The following CACNA1D variants were observed in gnomAD, a reference collection of about 807,000 sequenced individuals.
CACNA1D encodes the protein calcium voltage-gated channel subunit alpha1 D, also known as voltage-dependent L-type calcium channel subunit alpha-1D.
CACNA1D carries 55 observed loss-of-function variants against 257.1 expected under a neutral mutation model. That is an observed-to-expected ratio of 0.21 (90% CI 0.17 to 0.27). The LOEUF (loss-of-function observed/expected upper bound fraction) is 0.27. Among genes scored for constraint, CACNA1D ranks in the 10% least tolerant of loss-of-function variants. The probability of loss-of-function intolerance (pLI) is 1.00; values close to 1 mark genes in which losing one functional copy is unlikely to be tolerated. For missense variants in CACNA1D, 1,876 were observed against 2,784.0 expected (o/e 0.67, Z 7.34); for synonymous variants, 980 against 1,014.9 (o/e 0.97, Z 0.65).
At chr3:53,565,726 T>C (rs2092822345) in intron 3 of CACNA1D, among the ~76,000 whole-genome samples, 2 of 152,208 alleles carry the variant, frequency 1.3e-5, no homozygotes, top group Admixed American at 1.3e-4. Flanking sequence ...AACAAGATAA[T>C]GCATCTTCTA....
intron 3 of CACNA1D, among the ~76,000 whole-genome samples, chr3:53,625,415 C>T (rs1378679567): frequency 6.6e-6 from 1 of 152,334 alleles, no homozygotes; most frequent in East Asian, 1.9e-4. Context: ...CAGCAGCCTG[C>T]ATCATGCCTC....
chr3:53,717,164 C>G (rs1373088272), intron 9 of CACNA1D, among the ~76,000 whole-genome samples: 1 of 152,248 alleles, frequency 6.6e-6, no homozygotes, highest in Non-Finnish European at 1.5e-5. Context: ...AGTTCAAAGC[C>G]ATGCCTCAGG....
chr3:53,549,840 TTAA>T (rs1391527345), intron 3 of CACNA1D, among the ~76,000 whole-genome samples: 1 of 152,252 alleles, frequency 6.6e-6, no homozygotes, highest in Non-Finnish European at 1.5e-5. Context: ...AGGTGTTCTC[TTAA>T]TGATGTTCTT....
In CACNA1D at chr3:53,617,806, A is replaced by G. The variant is rs539831052; in HGVS notation, c.484-32973A>G. 3.3e-5 allele frequency among the ~76,000 whole-genome samples: 5 copies of G among 152,322 alleles called. No individual in the cohort carries two copies. The South Asian group carries it at 1.0e-3, about 32-fold the overall frequency. On this transcript the variant is annotated intron_variant, in intron 3 of 47. Coordinates refer to ENST00000350061, the MANE Select transcript of CACNA1D (RefSeq NM_001128840.3). ...CGCAGCTGGGGAGGTAGATATTTAC[A>G]TGTGAGCCTCAAATGTACTGGGGGA...
chr3:53,806,290 C>CT (rs532125111), intron 45 of CACNA1D, among the ~76,000 whole-genome samples: 197 of 151,430 alleles, frequency 1.3e-3, no homozygotes, highest in African/African-American at 4.5e-3. Context: ...CCTGTCAAGT[C>CT]TGTCAGTGCC....
intron 32 of CACNA1D, among the ~76,000 whole-genome samples, chr3:53,772,292 C>T (rs982717151): frequency 3.3e-5 from 5 of 152,174 alleles, no homozygotes; most frequent in Admixed American, 2.6e-4. Flanking sequence ...CAGCCACAGC[C>T]AGAAAGTGGT....
chr3:53,760,919 A>T (rs774255365), intron 29 of CACNA1D, among the ~76,000 whole-genome samples: 14 of 152,192 alleles, frequency 9.2e-5, no homozygotes, highest in Non-Finnish European at 2.1e-4. Context: ...CAGCACAGTC[A>T]TCATCCTTCA....
intron 40 of CACNA1D, among the ~76,000 whole-genome samples, chr3:53,797,050 T>G (rs964626557): frequency 6.6e-6 from 1 of 152,208 alleles, no homozygotes. Flanking sequence ...ATTTTACTGT[T>G]TGTAAAGTGT....
At chr3:53,730,937 G>C (rs2094985314) in intron 16 of CACNA1D, 140 bp from the exon 17 acceptor site, 1 of 658,388 alleles carries the variant, frequency 1.5e-6, no homozygotes, top group South Asian at 1.8e-5. Flanking sequence ...TTTGGGTTGT[G>C]CTAGGCTCTT....
chr3:53,553,100 G>C (rs1186812871), intron 3 of CACNA1D, among the ~76,000 whole-genome samples: 1 of 152,226 alleles, frequency 6.6e-6, no homozygotes, highest in African/African-American at 2.4e-5. Flanking sequence ...CTTTCAGACA[G>C]TGACTTCAGC....
chr3:53,796,461 G>GC (rs1161281743), intron 40 of CACNA1D: 4 of 452,608 alleles, frequency 8.8e-6, no homozygotes, highest in Non-Finnish European at 1.3e-5. Context: ...GTGAGGGCTG[G>GC]CAGATGGCTG....
At chr3:53,516,634 G>T (rs1424389953) in intron 3 of CACNA1D, among the ~76,000 whole-genome samples, 7 of 152,230 alleles carry the variant, frequency 4.6e-5, no homozygotes, top group Non-Finnish European at 8.8e-5. Flanking sequence ...GAGGACTCGG[G>T]TTGGTGTTTG....
At chr3:53,576,646 G>A (rs2093043531) in intron 3 of CACNA1D, among the ~76,000 whole-genome samples, 1 of 152,150 alleles carries the variant, frequency 6.6e-6, no homozygotes, top group Admixed American at 6.5e-5. Context: ...CCCTTAATAA[G>A]CTATTATGGA....
At chr3:53,506,090 A>C (rs530265620) in intron 3 of CACNA1D, among the ~76,000 whole-genome samples, 1 of 152,270 alleles carries the variant, frequency 6.6e-6, no homozygotes, top group South Asian at 2.1e-4. Flanking sequence ...GGCTTAGCCT[A>C]TATGGTGGAG....
intron 3 of CACNA1D, among the ~76,000 whole-genome samples, chr3:53,589,882 A>G (rs1395127491): frequency 2.0e-5 from 3 of 152,086 alleles, no homozygotes; most frequent in Non-Finnish European, 4.4e-5. Flanking sequence ...CCTGGGCCTC[A>G]TGGTTTGGGT....
chr3:53,649,526 C>T (rs761875629), intron 3 of CACNA1D, among the ~76,000 whole-genome samples: 2 of 152,076 alleles, frequency 1.3e-5, no homozygotes, highest in African/African-American at 4.8e-5. Flanking sequence ...CCCCTCCACA[C>T]ACCTCCCCCC....
intron 3 of CACNA1D, among the ~76,000 whole-genome samples, 200 bp from the exon 4 acceptor site, chr3:53,650,579 T>A (rs1359304767): frequency 6.6e-6 from 1 of 152,270 alleles, no homozygotes; most frequent in Non-Finnish European, 1.5e-5. Context: ...CGTAGTTGCT[T>A]ATGAGAAATT....
intron 3 of CACNA1D, among the ~76,000 whole-genome samples, chr3:53,595,791 C>T (rs915302053): frequency 1.3e-5 from 2 of 152,070 alleles, no homozygotes; most frequent in South Asian, 2.1e-4. Context: ...TTCCTACCCT[C>T]GATGAGTTTA....
At chr3:53,518,820 A>G (rs2091445810) in intron 3 of CACNA1D, among the ~76,000 whole-genome samples, 1 of 152,208 alleles carries the variant, frequency 6.6e-6, no homozygotes, top group Non-Finnish European at 1.5e-5. Context: ...ACGTTGAGGA[A>G]TGGCAATATT....
Sources: gnomAD v4.1 joint callset for allele counts (sites outside exome capture counted in the v4.1 genomes callset) on GRCh38, gnomAD v4.1.1 for gene constraint, MANE v1.5 for transcripts, NCBI Gene and HGNC (gene_info 2026-07-23, HGNC 2026-07-21) for gene names.